Variants in FAM124A observed in about 807,000 individuals in gnomAD.
The protein encoded by FAM124A is protein FAM124A.
Under a neutral mutation model 24.5 loss-of-function variants are expected in FAM124A, and 23 were observed. The ratio of observed to expected loss-of-function variants is 0.94; its 90% CI spans 0.68 to 1.33. The LOEUF is 1.33. Ranked by LOEUF, FAM124A falls within the 40% of genes most tolerant of loss-of-function variation. The pLI is 0.00. For synonymous variants in FAM124A, 287 were observed against 314.7 expected (o/e 0.91, Z 0.93); for missense variants, 623 against 722.8 (o/e 0.86, Z 1.58).
chr13:51,251,395 G>A lies in FAM124A; in HGVS notation c.101-73G>A, dbSNP rs1256854237. The A allele has an allele frequency of 1.7e-5, 24 of 1,448,624 alleles. No individual in the cohort carries two copies. In the East Asian group the frequency reaches 5.5e-4, roughly 33 times the overall value. The allele number at this position is 1,448,624 out of a possible 1,614,324, so 89.7% of individuals were successfully genotyped here. A position where few individuals can be genotyped will look rare whatever the true frequency, so the allele number is the denominator to read the frequency against. ...TTCTCTTCCTGTCAAGCCTGTACACGTCATCACTGGACACTTTAATGAAAT... is the reference window on the plus strand; with the variant it reads ...TTCTCTTCCTGTCAAGCCTGTACACATCATCACTGGACACTTTAATGAAAT... On this transcript the variant is annotated intron_variant, in intron 2 of 3. Coordinates refer to ENST00000322475, the MANE Select transcript of FAM124A (RefSeq NM_001242312.2). The surrounding 1 kb of genome is among the most constrained non-coding windows in gnomAD (Gnocchi z 5.3).
intron 3 of FAM124A, chr13:51,252,810 G>A (rs1469968503): frequency 6.6e-6 from 1 of 152,568 alleles, no homozygotes; most frequent in Non-Finnish European, 1.5e-5. Flanking sequence ...GATGCCTTGG[G>A]AGCTTCTGGT....
chr13:51,224,575 C>G (rs1244001951), intron 1 of FAM124A, among the ~76,000 whole-genome samples: 1 of 152,182 alleles, frequency 6.6e-6, no homozygotes, highest in Non-Finnish European at 1.5e-5. Context: ...GCCATATATT[C>G]ACAGAGCCCT....
intron 2 of FAM124A, among the ~76,000 whole-genome samples, chr13:51,236,037 C>T (rs1251348773): frequency 1.3e-5 from 2 of 152,190 alleles, no homozygotes; most frequent in South Asian, 2.1e-4. Context: ...TGCTCTGTCC[C>T]TCCAGTAACT....
chr13:51,233,838 C>G (rs1954406216), intron 2 of FAM124A, among the ~76,000 whole-genome samples: 1 of 152,160 alleles, frequency 6.6e-6, no homozygotes, highest in South Asian at 2.1e-4. Context: ...TGTTTCCCTA[C>G]AAACTATATA....
intron 2 of FAM124A, among the ~76,000 whole-genome samples, chr13:51,250,784 T>A (rs180992787): frequency 5.4e-4 from 82 of 152,272 alleles, no homozygotes; most frequent in Admixed American, 2.1e-3. Context: ...TCCCTGTGTC[T>A]CCAGCAGCAA....
At chr13:51,262,824 G>C (rs1461158149) in intron 3 of FAM124A, among the ~76,000 whole-genome samples, 3 of 152,138 alleles carry the variant, frequency 2.0e-5, no homozygotes, top group Non-Finnish European at 4.4e-5. Context: ...TCTGGAAGGG[G>C]GCATGTGTGA....
intron 2 of FAM124A, among the ~76,000 whole-genome samples, chr13:51,246,411 G>A (rs969683885): frequency 7.2e-6 from 1 of 139,256 alleles, no homozygotes; most frequent in African/African-American, 2.5e-5. Flanking sequence ...GGGTGGGGGG[G>A]GGTGTAACTC....
intron 3 of FAM124A, among the ~76,000 whole-genome samples, chr13:51,275,220 A>G (rs546329683): frequency 6.6e-6 from 1 of 152,152 alleles, no homozygotes; most frequent in South Asian, 2.1e-4. Context: ...AAAAAAAAAA[A>G]AAAAAAAATT....
intron 2 of FAM124A, among the ~76,000 whole-genome samples, chr13:51,246,345 C>G (rs896410921): frequency 7.3e-5 from 11 of 150,120 alleles, no homozygotes; most frequent in African/African-American, 2.7e-4. Context: ...CATTTTCTGT[C>G]CTTCCCCTCA....
chr13:51,266,171 TG>T (rs1201136239), intron 3 of FAM124A, among the ~76,000 whole-genome samples: 1 of 152,176 alleles, frequency 6.6e-6, no homozygotes, highest in Non-Finnish European at 1.5e-5. Context: ...GGGATAGTTT[TG>T]GGGGCCTTTC....
rs779303170 is a variant in FAM124A at position 51,251,892 on chromosome 13, C to T, written c.525C>T (p.Thr175=). The change falls in exon 3 of 4, where the codon ACC becomes ACT. Residue 175 remains threonine, a synonymous_variant. Transcript: ENST00000322475. This position sits in a 1 kb window ranked among gnomAD's most constrained non-coding sequence, Gnocchi z 5.3. ...ACGGCAAGGAAATCGTGCGCTTCAC[C>T]GTCTACTGTCGCTACGACAACTATG... The part of the protein sequence containing the change: ...VHYGKEIVRF[T]VYCRYDNYAD... 21 of 1,614,086 alleles carry T rather than the reference C, an allele frequency of 1.3e-5. No individual in the cohort carries two copies. Among genetic ancestry groups the T allele is most frequent in the Non-Finnish European group, 1.6e-5 (19 of 1,180,024 alleles).
At position 51,280,349 on chromosome 13, in the gene FAM124A, C is replaced by T. The variant is rs1593614702; in HGVS notation, c.835-101C>T. On this transcript the variant is annotated intron_variant, in intron 3 of 3. Transcript: ENST00000322475. ...TGGTAATGCTGGTAATGCTTTATTG[C>T]CATGACATTGCCAGGAGTTTCCAAT... The T allele has an allele frequency of 7.6e-6, 8 of 1,045,920 alleles. No individual in the cohort carries two copies. The East Asian group carries it at 1.5e-4, about 20-fold the overall frequency. 64.8% of individuals were successfully genotyped at this position (1,045,920 alleles called of 1,614,324 possible).
At chr13:51,260,823 G>A (rs1204951475) in intron 3 of FAM124A, among the ~76,000 whole-genome samples, 1 of 152,144 alleles carries the variant, frequency 6.6e-6, no homozygotes, top group Non-Finnish European at 1.5e-5. Flanking sequence ...CGGAGGGTCT[G>A]GTCCAGCAGA....
At chr13:51,278,460 T>C (rs1299256997) in intron 3 of FAM124A, among the ~76,000 whole-genome samples, 1 of 152,172 alleles carries the variant, frequency 6.6e-6, no homozygotes, top group Non-Finnish European at 1.5e-5. Context: ...CCTCTGCCAC[T>C]GGACAGAGCC....
At chr13:51,247,703 A>G (rs891999385) in intron 2 of FAM124A, among the ~76,000 whole-genome samples, 4 of 152,076 alleles carry the variant, frequency 2.6e-5, no homozygotes, top group African/African-American at 4.8e-5. Flanking sequence ...TTCCATTTAC[A>G]TGGAGCATTC....
intron 2 of FAM124A, among the ~76,000 whole-genome samples, chr13:51,233,335 G>A (rs972103509): frequency 6.6e-6 from 1 of 152,238 alleles, no homozygotes; most frequent in South Asian, 2.1e-4. Context: ...AAAGAAAGGG[G>A]AAGGGCAGAA....
At chr13:51,224,244 G>A (rs1178260197) in intron 1 of FAM124A, among the ~76,000 whole-genome samples, 2 of 152,222 alleles carry the variant, frequency 1.3e-5, no homozygotes, top group African/African-American at 4.8e-5. Context: ...CGAGGTGGGC[G>A]GATCACCTGA....
chr13:51,229,048 A>T (rs1412377323), intron 1 of FAM124A, among the ~76,000 whole-genome samples: 1 of 152,210 alleles, frequency 6.6e-6, no homozygotes, highest in African/African-American at 2.4e-5. Flanking sequence ...GCAATTCAAA[A>T]TTGTGTCTCC....
Position 51,252,006 on chromosome 13 carries a change from C to A in FAM124A, c.639C>A (p.Asn213Lys). 6.2e-7 allele frequency: 1 copy of A among 1,614,238 alleles called. No homozygotes were observed. Among genetic ancestry groups the A allele is most frequent in the Non-Finnish European group, 8.5e-7 (1 of 1,180,040 alleles). The change falls in exon 3 of 4, where the codon AAC becomes AAA. Residue 213 changes from asparagine to lysine, a missense_variant. Physicochemically the swap from Asn to Lys is moderately conservative, Grantham distance 94. Coordinates refer to ENST00000322475, the MANE Select transcript of FAM124A (RefSeq NM_001242312.2). ...TCTGCATCTTCCCTATTTTTTCCAA[C>A]CTGGATGTGGACATCCAGTTCTCCC... Reference protein sequence around the residue: ...ADFCIFPIFSNLDVDIQFSLK... With the variant: ...ADFCIFPIFSKLDVDIQFSLK...
Sources: allele counts gnomAD v4.1 joint callset (sites outside exome capture counted in the v4.1 genomes callset), GRCh38; gene constraint gnomAD v4.1.1; non-coding constraint Gnocchi (gnomAD v3.1); transcripts MANE v1.5; gene names NCBI Gene and HGNC (gene_info 2026-07-23, HGNC 2026-07-21).